Variants in CTNNA2 observed in about 807,000 individuals in gnomAD.
CTNNA2 encodes the protein catenin alpha 2.
In CTNNA2, 42 loss-of-function variants were observed where a neutral mutation model predicts 101.0. The ratio of observed to expected loss-of-function variants is 0.42; its 90% CI spans 0.32 to 0.54. The LOEUF is 0.54. Ranked by LOEUF, CTNNA2 falls within the 20% of genes least tolerant of loss-of-function variation. The pLI, the probability that CTNNA2 is intolerant of heterozygous loss-of-function variation, is 0.14. For synonymous variants in CTNNA2, 450 were observed against 456.4 expected (o/e 0.99, Z 0.18); for missense variants, 871 against 1,223.1 (o/e 0.71, Z 4.29).
At chr2:79,997,061 A>T (rs1019533534) in intron 7 of CTNNA2, among the ~76,000 whole-genome samples, 1 of 152,008 alleles carries the variant, frequency 6.6e-6, no homozygotes, top group African/African-American at 2.4e-5. Context: ...TCTCTTCTTC[A>T]CCTCTCCTTT....
At chr2:80,599,597 T>A (rs527799092) in intron 15 of CTNNA2, among the ~76,000 whole-genome samples, 1 of 152,160 alleles carries the variant, frequency 6.6e-6, no homozygotes, top group South Asian at 2.1e-4. Flanking sequence ...GTGGGGAAAC[T>A]GGGTCATGTC....
intron 7 of CTNNA2, among the ~76,000 whole-genome samples, chr2:80,253,704 C>T (rs1671934991): frequency 6.6e-6 from 1 of 152,110 alleles, no homozygotes; most frequent in Admixed American, 6.6e-5. Context: ...TTTGAGGACA[C>T]AGTATAAGAG....
intron 9 of CTNNA2, among the ~76,000 whole-genome samples, chr2:80,447,447 T>G (rs1189092607): frequency 6.6e-6 from 1 of 152,200 alleles, no homozygotes; most frequent in African/African-American, 2.4e-5. Context: ...GGTATGGGGT[T>G]GTTGTGTTAT....
intron 7 of CTNNA2, among the ~76,000 whole-genome samples, chr2:80,290,694 CA>C (rs1195928697): frequency 6.6e-6 from 1 of 152,154 alleles, no homozygotes; most frequent in Non-Finnish European, 1.5e-5. Context: ...TGGTTTACCC[CA>C]AAAATTAGTA....
chr2:79,315,627 T>G (rs927070882), intron 3 of CTNNA2, among the ~76,000 whole-genome samples: 2 of 152,206 alleles, frequency 1.3e-5, no homozygotes, highest in Admixed American at 1.3e-4. Flanking sequence ...CTTTTATGGA[T>G]AGAGCACATT....
intron 2 of CTNNA2, among the ~76,000 whole-genome samples, chr2:79,228,605 G>T (rs1674450566): frequency 6.6e-6 from 1 of 151,846 alleles, no homozygotes; most frequent in Admixed American, 6.6e-5. Context: ...TGGATTATTT[G>T]TTTTTGCTTC....
chr2:79,797,240 T>G (rs1675788042), intron 3 of CTNNA2, among the ~76,000 whole-genome samples: 2 of 151,932 alleles, frequency 1.3e-5, no homozygotes, highest in African/African-American at 2.4e-5. Context: ...GGAAGGTGGG[T>G]AGGTAGGATG....
chr2:79,821,540 A>G (rs911838166), intron 3 of CTNNA2, among the ~76,000 whole-genome samples: 1 of 152,190 alleles, frequency 6.6e-6, no homozygotes, highest in Admixed American at 6.5e-5. Context: ...GCACTACCAA[A>G]AACTGAGAAG....
At chr2:80,355,711 G>A (rs1250403575) in intron 7 of CTNNA2, among the ~76,000 whole-genome samples, 3 of 152,060 alleles carry the variant, frequency 2.0e-5, no homozygotes, top group Non-Finnish European at 4.4e-5. Flanking sequence ...CGTTGTATAT[G>A]ATGAACTTTT....
chr2:79,270,415 C>G (rs80049422), intron 2 of CTNNA2, among the ~76,000 whole-genome samples: 1 of 152,106 alleles, frequency 6.6e-6, no homozygotes, highest in Non-Finnish European at 1.5e-5. Context: ...AGAGTGACGC[C>G]AGTCCCAAGG....
At chr2:80,625,948 A>G (rs779871189) in intron 18 of CTNNA2, among the ~76,000 whole-genome samples, 39 of 152,070 alleles carry the variant, frequency 2.6e-4, no homozygotes, top group Non-Finnish European at 4.7e-4. Context: ...CTTTTTAAGA[A>G]AAGATTATGC....
intron 2 of CTNNA2, among the ~76,000 whole-genome samples, chr2:79,743,152 A>G (rs926537598): frequency 4.0e-5 from 6 of 151,094 alleles, no homozygotes; most frequent in African/African-American, 1.2e-4. Context: ...TAAACCACAG[A>G]ACCTACATTC....
chr2:79,470,375 A>T (rs982306229), intron 4 of CTNNA2, among the ~76,000 whole-genome samples: 4 of 152,292 alleles, frequency 2.6e-5, no homozygotes, highest in Middle Eastern at 3.4e-3. Context: ...TTCTCGATAA[A>T]ACTGTAAATC....
At chr2:79,643,398 C>CCAG (rs1680589466) in intron 1 of CTNNA2, among the ~76,000 whole-genome samples, 1 of 151,996 alleles carries the variant, frequency 6.6e-6, no homozygotes, top group Non-Finnish European at 1.5e-5. Flanking sequence ...CGTTCCTGAA[C>CCAG]CAGCAGCAGC....
intron 1 of CTNNA2, among the ~76,000 whole-genome samples, chr2:79,541,707 A>T (rs1253395690): frequency 1.3e-5 from 2 of 148,420 alleles, no homozygotes; most frequent in East Asian, 2.0e-4. Flanking sequence ...GCTCACTGCA[A>T]CCTCCACCTC....
At chr2:79,698,385 C>G (rs894719124) in intron 2 of CTNNA2, among the ~76,000 whole-genome samples, 1 of 152,006 alleles carries the variant, frequency 6.6e-6, no homozygotes, top group African/African-American at 2.4e-5. Context: ...AAAAACAGAA[C>G]TTGAATCGTT....
intron 7 of CTNNA2, among the ~76,000 whole-genome samples, chr2:80,239,019 C>A (rs1242079573): frequency 6.6e-6 from 1 of 152,108 alleles, no homozygotes; most frequent in African/African-American, 2.4e-5. Context: ...AGATTTTTAG[C>A]CTGAAGACAA....
At chr2:80,435,298 G>C (rs1681930513) in intron 9 of CTNNA2, among the ~76,000 whole-genome samples, 1 of 152,144 alleles carries the variant, frequency 6.6e-6, no homozygotes, top group Non-Finnish European at 1.5e-5. Context: ...GATAACACAA[G>C]AAATAGGTGA....
intron 3 of CTNNA2, among the ~76,000 whole-genome samples, chr2:79,357,407 T>C (rs1677531019): frequency 6.6e-6 from 1 of 151,972 alleles, no homozygotes; most frequent in Non-Finnish European, 1.5e-5. Context: ...AACTGGAAAA[T>C]AGATCAGTAG....
Sources: allele counts gnomAD v4.1 joint callset (sites outside exome capture counted in the v4.1 genomes callset), GRCh38; gene constraint gnomAD v4.1.1; transcripts MANE v1.5; gene names NCBI Gene and HGNC (gene_info 2026-07-23, HGNC 2026-07-21).